Variants in DNAH8 observed in about 807,000 individuals in gnomAD.
DNAH8 encodes axonemal beta dynein heavy chain 8.
DNAH8 carries 382 observed loss-of-function variants against 562.1 expected under a neutral mutation model. That is an observed-to-expected ratio of 0.68 (90% confidence interval 0.63 to 0.74). The LOEUF (loss-of-function observed/expected upper bound fraction) is 0.74, where lower values mean the gene tolerates loss of function less well. Among genes scored for constraint, DNAH8 ranks in the 30% least tolerant of loss-of-function variants. DNAH8 has a pLI of 0.00. For synonymous variants in DNAH8, 1,881 were observed against 1,919.4 expected (o/e 0.98, Z 0.52); for missense variants, 5,203 against 5,620.4 (o/e 0.93, Z 2.37).
At chr6:38,745,319 A>G (rs1370368085) in intron 8 of DNAH8, among the ~76,000 whole-genome samples, 1 of 152,228 alleles carries the variant, frequency 6.6e-6, no homozygotes, top group Non-Finnish European at 1.5e-5. Context: ...CCCTTCATCC[A>G]TAAAACAATA....
At chr6:38,976,673 A>G (rs1337492111) in intron 85 of DNAH8, among the ~76,000 whole-genome samples, 2 of 152,128 alleles carry the variant, frequency 1.3e-5, no homozygotes, top group African/African-American at 4.8e-5. Flanking sequence ...AATGTCTGAG[A>G]CTCAACTGCT....
intron 73 of DNAH8, 100 bp from the exon 74 acceptor site, chr6:38,925,955 T>G: frequency 8.7e-7 from 1 of 1,147,214 alleles, no homozygotes; most frequent in Non-Finnish European, 1.2e-6. Flanking sequence ...AGGAAAATAA[T>G]GTCCACATTT....
At position 38,973,658 on chromosome 6, in the gene DNAH8, C is replaced by T. The variant is rs374461538; in HGVS notation, c.12526-3C>T. 3.7e-4 allele frequency: 574 copies of T among 1,572,024 alleles called. 15 individuals are homozygous for T. The South Asian group carries it at 5.4e-3, about 15-fold the overall frequency. ...ATAAATATGAACTTATTTTTGGATA[C>T]AGGGTGGTTGGGTATTACTACAAAA... On this transcript the variant is annotated splice_region_variant and splice_polypyrimidine_tract_variant and intron_variant, in intron 83 of 92. Coordinates refer to ENST00000327475, the MANE Select transcript of DNAH8 (RefSeq NM_001206927.2).
chr6:38,885,795 C>G (rs1778873656), intron 56 of DNAH8, among the ~76,000 whole-genome samples: 1 of 152,214 alleles, frequency 6.6e-6, no homozygotes, highest in Non-Finnish European at 1.5e-5. Context: ...CTCCCCTGCT[C>G]TCCTTGAGTC....
In DNAH8 at chr6:38,917,222, C is replaced by A. The variant is rs1781371570; in HGVS notation, c.10141-17C>A. On this transcript the variant is annotated splice_polypyrimidine_tract_variant and intron_variant, in intron 68 of 92. Transcript: ENST00000327475. ...CCACTCAACAAACAAAATATTGATC[C>A]TTAATCCCAAATATAGACTATCAAG... 1.3e-6 allele frequency: 2 copies of A among 1,541,484 alleles called. No homozygotes were observed. The highest frequency in any genetic ancestry group is 1.7e-6 in the Non-Finnish European group (2 of 1,150,486).
rs902866704 is a variant in DNAH8 at position 38,982,290 on chromosome 6, G to A, written c.12835-56G>A. 17 of 733,596 alleles carry A rather than the reference G, an allele frequency of 2.3e-5. No homozygotes were observed. In the Admixed American group the frequency reaches 3.2e-4, roughly 14 times the overall value. The allele number at this position is 733,596 out of a possible 1,614,324, so 45.4% of individuals were successfully genotyped here. On this transcript the variant is annotated intron_variant, in intron 85 of 92. Coordinates refer to ENST00000327475, the MANE Select transcript of DNAH8 (RefSeq NM_001206927.2). ...GCCTTAATTTTACTGTATTTTGATA[G>A]CAATAAAAATGGAATCAGGTACATG... is the stretch of plus-strand genomic sequence containing the variant.
intron 1 of DNAH8, 139 bp from the exon 2 acceptor site, chr6:38,722,637 C>A: frequency 1.5e-6 from 1 of 680,056 alleles, no homozygotes; most frequent in Non-Finnish European, 2.4e-6. Context: ...CTCTCCAGCC[C>A]CATAAACTAA....
At chr6:38,993,670 A>G (rs1469764097) in intron 88 of DNAH8, among the ~76,000 whole-genome samples, 1 of 132,828 alleles carries the variant, frequency 7.5e-6, no homozygotes, top group Non-Finnish European at 1.7e-5. Flanking sequence ...AAAGTTGCCA[A>G]ACTATATCTA....
Position 38,866,331 on chromosome 6 carries a change from T to G in DNAH8, c.6499-260T>G, listed in dbSNP as rs115377338. ...TTAAGCCAGCAGACACAATTTTCTA[T>G]TTTTTAAGTCAGTAGACAATTTTGC... On this transcript the variant is annotated intron_variant, in intron 45 of 92. Transcript: ENST00000327475. 3.5e-3 allele frequency among the ~76,000 whole-genome samples: 540 copies of G among 152,316 alleles called. 1 individual carries two copies. The highest frequency in any genetic ancestry group is 0.013 in the African/African-American group (522 of 41,576).
chr6:38,823,753 C>G, intron 28 of DNAH8, 65 bp downstream of exon 28: 1 of 1,167,728 alleles, frequency 8.6e-7, no homozygotes, highest in East Asian at 2.4e-5. Flanking sequence ...CTTTATTTAG[C>G]AAGCAGTTAT....
At chr6:38,920,243 T>C (rs1223538101) in intron 70 of DNAH8, among the ~76,000 whole-genome samples, 1 of 152,082 alleles carries the variant, frequency 6.6e-6, no homozygotes, top group Non-Finnish European at 1.5e-5. Flanking sequence ...CCTCCCAAAC[T>C]GCTCCCAGGA....
chr6:39,012,415 C>G, intron 90 of DNAH8, 33 bp from the exon 91 acceptor site: 2 of 1,608,362 alleles, frequency 1.2e-6, no homozygotes, highest in Non-Finnish European at 1.7e-6. Flanking sequence ...GTTGATGTTT[C>G]TTATTCATGT....
chr6:38,789,953 G>A (rs369276182), intron 19 of DNAH8, 70 bp downstream of exon 19: 4 of 1,205,554 alleles, frequency 3.3e-6, no homozygotes, highest in East Asian at 2.4e-5. Context: ...TATAAACTAT[G>A]GATTTTGGAA....
At chr6:38,718,770 A>G (rs535419106) in intron 1 of DNAH8, among the ~76,000 whole-genome samples, 4 of 152,304 alleles carry the variant, frequency 2.6e-5, no homozygotes, top group African/African-American at 4.8e-5. Context: ...TAAAAACCAC[A>G]TTTATTATTT....
chr6:38,872,222 A>G lies in DNAH8; in HGVS notation c.6991-314A>G, dbSNP rs1055013366. 2.6e-5 allele frequency among the ~76,000 whole-genome samples: 4 copies of G among 152,180 alleles called. No homozygotes were observed. The East Asian group carries it at 5.8e-4, about 22-fold the overall frequency. On this transcript the variant is annotated intron_variant, in intron 49 of 92. Coordinates refer to ENST00000327475, the MANE Select transcript of DNAH8 (RefSeq NM_001206927.2). ...GCCGAGAAAGTTTGCGCATGGAACA[A>G]CTGCTGGTTATAGACCAACAAGCCA...
At chr6:38,846,819 C>T (rs1035776941) in intron 36 of DNAH8, among the ~76,000 whole-genome samples, 2 of 152,190 alleles carry the variant, frequency 1.3e-5, no homozygotes, top group African/African-American at 4.8e-5. Flanking sequence ...GATTTGAAGG[C>T]TTTCTTCAAT....
At chr6:38,916,830 T>G (rs1335662101) in intron 68 of DNAH8, among the ~76,000 whole-genome samples, 1 of 152,194 alleles carries the variant, frequency 6.6e-6, no homozygotes, top group Non-Finnish European at 1.5e-5. Context: ...TTCCTCTCCC[T>G]GCCATAGACA....
intron 41 of DNAH8, among the ~76,000 whole-genome samples, chr6:38,855,195 A>G (rs1172971094): frequency 6.6e-6 from 1 of 151,936 alleles, no homozygotes; most frequent in Non-Finnish European, 1.5e-5. Context: ...TTTCTTTTAA[A>G]ACATGTTTTA....
intron 42 of DNAH8, among the ~76,000 whole-genome samples, chr6:38,858,962 T>C (rs1308495153): frequency 6.6e-6 from 1 of 152,134 alleles, no homozygotes; most frequent in Non-Finnish European, 1.5e-5. Flanking sequence ...CTGAGCAAAC[T>C]TTACTTTACA....
Sources: gnomAD v4.1 joint callset for allele counts (sites outside exome capture counted in the v4.1 genomes callset) on GRCh38, gnomAD v4.1.1 for gene constraint, MANE v1.5 for transcripts, NCBI Gene and HGNC (gene_info 2026-07-23, HGNC 2026-07-21) for gene names.